CHD6: variants seen among roughly 807,000 people sequenced by gnomAD.
CHD6 encodes the protein chromodomain helicase DNA binding protein 6, also known as ATP-dependent chromatin remodeler CHD6.
CHD6 carries 50 observed loss-of-function variants against 276.9 expected under a neutral mutation model. The ratio of observed to expected loss-of-function variants is 0.18; its 90% CI spans 0.14 to 0.23. CHD6 has a LOEUF of 0.23. Among genes scored for constraint, CHD6 ranks in the 10% least tolerant of loss-of-function variants. CHD6 has a pLI of 1.00. For missense variants in CHD6, 2,564 were observed against 3,365.8 expected, an observed-to-expected ratio of 0.76 and a Z score of 5.89; for synonymous variants, 1,173 against 1,229.3, an observed-to-expected ratio of 0.95 and a Z score of 0.96.
In CHD6 at chr20:41,489,853, A is replaced by T. The variant is rs1475205041; in HGVS notation, c.1605T>A (p.Asn535Lys). 29 of 1,613,990 alleles carry T rather than the reference A, an allele frequency of 1.8e-5. No homozygotes were observed. Among genetic ancestry groups the T allele is most frequent in the Non-Finnish European group, 2.5e-5 (29 of 1,179,944 alleles). ...TCTGGCTGCCGTGGTACACAATGGCATTCATCTCTGTCCATGTCCGGAACT... is the reference window on the plus strand; with the variant it reads ...TCTGGCTGCCGTGGTACACAATGGCTTTCATCTCTGTCCATGTCCGGAACT... ...EREFRTWTEM[N>K]AIVYHGSQIS... Residue 535 changes from asparagine to lysine, a missense_variant, in exon 12 of 37, where the codon AAT becomes AAA. This residue lies in a region of CHD6 where 457 missense variants were observed against 889.0 expected (regional missense o/e 0.51). Transcript: ENST00000373233.
intron 31 of CHD6, among the ~76,000 whole-genome samples, chr20:41,418,649 C>T (rs775195503): frequency 1.3e-5 from 2 of 151,932 alleles, no homozygotes; most frequent in Non-Finnish European, 2.9e-5. Context: ...AGCCAGGAGA[C>T]CTGGGGGCTG....
intron 1 of CHD6, among the ~76,000 whole-genome samples, chr20:41,606,294 G>A (rs2045827437): frequency 1.3e-5 from 2 of 152,254 alleles, no homozygotes; most frequent in South Asian, 2.1e-4. Flanking sequence ...GGCAGATCAC[G>A]AGGTCAGGAG....
chr20:41,428,444 A>G (rs1288915918), intron 27 of CHD6, among the ~76,000 whole-genome samples: 1 of 152,214 alleles, frequency 6.6e-6, no homozygotes, highest in Non-Finnish European at 1.5e-5. Context: ...CTTGAAAGAA[A>G]TGTTCATCTT....
intron 2 of CHD6, among the ~76,000 whole-genome samples, chr20:41,545,756 T>C (rs2045027495): frequency 6.6e-6 from 1 of 152,092 alleles, no homozygotes; most frequent in Admixed American, 6.6e-5. Context: ...CACCACACAC[T>C]AGGCCTTTCC....
At chr20:41,515,854 C>G (rs1261440448) in intron 3 of CHD6, among the ~76,000 whole-genome samples, 1 of 152,146 alleles carries the variant, frequency 6.6e-6, no homozygotes, top group African/African-American at 2.4e-5. Flanking sequence ...AGTGAGTAGT[C>G]TTATGCTTTA....
chr20:41,447,945 T>C lies in CHD6; in HGVS notation c.3710A>G (p.Tyr1237Cys). The C allele has an allele frequency of 1.2e-6, 2 of 1,611,648 alleles. No homozygotes were observed. The highest frequency in any genetic ancestry group is 1.7e-6 in the Non-Finnish European group (2 of 1,178,692). Residue 1237 changes from tyrosine to cysteine, a missense_variant, in exon 24 of 37, where the codon TAC becomes TGC. By Grantham distance (194) the Tyr-to-Cys change is radical. Around this residue, in one of 7 missense-constraint regions of CHD6, gnomAD observed 515 missense variants for 739.5 expected, o/e 0.70. Transcript: ENST00000373233. ...TCCCAGTATTTCAGCTTTTAGGTAG[T>C]ACAGCATCCGGACTCGCAAAAGTAC... ...NKVLLRVRML[Y>C]YLKAEILGEA...
chr20:41,473,447 T>G lies in CHD6; in HGVS notation c.2539A>C (p.Lys847Gln). The G allele has an allele frequency of 6.2e-7, 1 of 1,614,110 alleles. No homozygotes were observed. The highest frequency in any genetic ancestry group is 8.5e-7 in the Non-Finnish European group (1 of 1,179,994). The change falls in exon 17 of 37, where the codon AAG (lysine) becomes CAG (glutamine). Residue 847 changes from lysine to glutamine, a missense_variant. By Grantham distance (53) the Lys-to-Gln change is moderately conservative. This residue lies in a region of CHD6 where 457 missense variants were observed against 889.0 expected (regional missense o/e 0.51). Coordinates refer to ENST00000373233, the MANE Select transcript of CHD6 (RefSeq NM_032221.5). This position sits in a 1 kb window ranked among gnomAD's most constrained non-coding sequence, Gnocchi z 4.1. ...AAGACAAAGCGGTCTGAATCTGGCTTACAGAACCGGTCGATGGCTGCCTGG... is the reference window on the plus strand; with the variant it reads ...AAGACAAAGCGGTCTGAATCTGGCTGACAGAACCGGTCGATGGCTGCCTGG... ...LRQAAIDRFC[K>Q]PDSDRFVFLL...
chr20:41,457,573 T>A lies in CHD6; in HGVS notation c.2665-145A>T, dbSNP rs995084055. ...ACAGGACTGATTTCAGAACAGAATT[T>A]ATACCCAAAGGTTGGCTGCCACCCT... On this transcript the variant is annotated intron_variant, in intron 17 of 36. Transcript: ENST00000373233. 2.3e-5 allele frequency: 24 copies of A among 1,030,028 alleles called. No homozygotes were observed. The South Asian group carries it at 3.3e-4, about 14-fold the overall frequency. 63.8% of individuals were successfully genotyped at this position (1,030,028 alleles called of 1,614,324 possible).
intron 27 of CHD6, among the ~76,000 whole-genome samples, 198 bp from the exon 28 acceptor site, chr20:41,426,351 A>C (rs533529810): frequency 3.3e-5 from 5 of 152,112 alleles, no homozygotes; most frequent in South Asian, 2.1e-4. Context: ...ATTTAAAATA[A>C]GTTTTTTTTT....
Position 41,473,272 on chromosome 20 carries a change from T to C in CHD6, c.2664+50A>G. On this transcript the variant is annotated intron_variant, in intron 17 of 36. Coordinates refer to ENST00000373233, the MANE Select transcript of CHD6 (RefSeq NM_032221.5). The surrounding 1 kb of genome is among the most constrained non-coding windows in gnomAD (Gnocchi z 4.1). ...AGCCAAGCCAGGCCCTATCATGATG[T>C]TCTGGGATCCAGGGCAGCTAAGGTA... 1.3e-6 allele frequency: 2 copies of C among 1,564,186 alleles called. No individual in the cohort carries two copies. Among genetic ancestry groups the C allele is most frequent in the Non-Finnish European group, 1.8e-6 (2 of 1,142,220 alleles).
At chr20:41,553,189 A>T (rs888022860) in intron 1 of CHD6, among the ~76,000 whole-genome samples, 6 of 152,204 alleles carry the variant, frequency 3.9e-5, no homozygotes, top group Non-Finnish European at 7.3e-5. Flanking sequence ...AAAAATAAAG[A>T]AGTTTGGGGG....
In CHD6 at chr20:41,403,745, GA is replaced by G; in HGVS notation, c.*847del. On this transcript the variant is annotated 3_prime_UTR_variant, in exon 37 of 37. Coordinates refer to ENST00000373233, the MANE Select transcript of CHD6 (RefSeq NM_032221.5). The stretch of plus-strand genomic sequence containing the variant: ...ACAGAGAGGCAAATTAATGGCTAGA[GA>G]AATCTGTAAGCGAACCAGGTGAGAG... The G allele has an allele frequency of 9.5e-7, 1 of 1,057,462 alleles. No homozygotes were observed. Among genetic ancestry groups the G allele is most frequent in the East Asian group, 5.2e-5 (1 of 19,128 alleles). 65.5% of individuals were successfully genotyped at this position (1,057,462 alleles called of 1,614,324 possible).
chr20:41,596,648 T>C (rs1465035595), intron 1 of CHD6, among the ~76,000 whole-genome samples: 2 of 150,524 alleles, frequency 1.3e-5, no homozygotes, highest in Non-Finnish European at 2.9e-5. Context: ...CAGGAATCAG[T>C]GCCTTGAACC....
intron 1 of CHD6, among the ~76,000 whole-genome samples, chr20:41,614,260 T>C (rs746534687): frequency 3.0e-4 from 45 of 152,186 alleles, no homozygotes; most frequent in Non-Finnish European, 5.7e-4. Flanking sequence ...CTGGTTATCT[T>C]ACAATTCTAC....
chr20:41,567,074 G>C (rs1478620746), intron 1 of CHD6, among the ~76,000 whole-genome samples: 2 of 152,184 alleles, frequency 1.3e-5, no homozygotes, highest in African/African-American at 4.8e-5. Flanking sequence ...GGCCTACACA[G>C]CTCTTAACTG....
At chr20:41,435,289 C>A (rs1162672194) in intron 27 of CHD6, among the ~76,000 whole-genome samples, 1 of 152,066 alleles carries the variant, frequency 6.6e-6, no homozygotes, top group Non-Finnish European at 1.5e-5. Flanking sequence ...AACAAAGAAA[C>A]TCCCACCTCA....
At chr20:41,617,831 C>A (rs936926019) in intron 1 of CHD6, among the ~76,000 whole-genome samples, 1 of 151,668 alleles carries the variant, frequency 6.6e-6, no homozygotes, top group Non-Finnish European at 1.5e-5. Flanking sequence ...TCCACCCCTG[C>A]AAACAGACGC....
chr20:41,418,030 C>T (rs1227183083), intron 31 of CHD6, among the ~76,000 whole-genome samples: 3 of 152,226 alleles, frequency 2.0e-5, no homozygotes, highest in Non-Finnish European at 4.4e-5. Flanking sequence ...TTGTTGACCT[C>T]TTTCTTGGTT....
chr20:41,447,978 A>C lies in CHD6; in HGVS notation c.3684-7T>G. The C allele has an allele frequency of 6.3e-7, 1 of 1,576,740 alleles. No individual in the cohort carries two copies. The highest frequency in any genetic ancestry group is 8.7e-7 in the Non-Finnish European group (1 of 1,149,558). ...CCGGACTCGCAAAAGTACTCTATGA[A>C]AGGTGAACACATTAATGCAAACAAA... On this transcript the variant is annotated splice_region_variant and splice_polypyrimidine_tract_variant and intron_variant, in intron 23 of 36. Transcript: ENST00000373233.
Sources: allele counts gnomAD v4.1 joint callset (sites outside exome capture counted in the v4.1 genomes callset), GRCh38; gene constraint gnomAD v4.1.1; regional missense constraint gnomAD v4.1.1; non-coding constraint Gnocchi (gnomAD v3.1); transcripts MANE v1.5; gene names NCBI Gene and HGNC (gene_info 2026-07-23, HGNC 2026-07-21).